PHF3: variants seen among roughly 807,000 people sequenced by gnomAD.
The protein encoded by PHF3 is PHD finger protein 3.
A neutral mutation model predicts 178.4 loss-of-function variants in PHF3; 41 were observed. The ratio of observed to expected loss-of-function variants is 0.23; its 90% confidence interval spans 0.18 to 0.30. The LOEUF (loss-of-function observed/expected upper bound fraction) is 0.30. PHF3 is among the 10% of genes least tolerant of loss of function. The probability of loss-of-function intolerance (pLI) is 1.00; values close to 1 mark genes in which losing one functional copy is unlikely to be tolerated. For missense variants in PHF3, 2,346 were observed against 2,398.1 expected (o/e 0.98, Z 0.45); for synonymous variants, 842 against 800.5 (o/e 1.05, Z -0.88).
intron 14 of PHF3, among the ~76,000 whole-genome samples, chr6:63,710,858 A>T: frequency 6.6e-6 from 1 of 152,192 alleles, no homozygotes; most frequent in East Asian, 1.9e-4. Flanking sequence ...GGGTTTCAGT[A>T]TCATCTCTGC....
At chr6:63,708,803 G>A (rs1767801355) in intron 13 of PHF3, among the ~76,000 whole-genome samples, 1 of 152,142 alleles carries the variant, frequency 6.6e-6, no homozygotes, top group Admixed American at 6.5e-5. Context: ...AAAAGGGGAG[G>A]TTACAATCTC....
At chr6:63,698,174 AG>A (rs756456653) in intron 6 of PHF3, 48 bp from the exon 7 acceptor site, 11 of 1,437,208 alleles carry the variant, frequency 7.7e-6, no homozygotes, top group East Asian at 4.6e-5. Context: ...TAAAAAGGAA[AG>A]ATATTTTTAA....
chr6:63,692,171 G>A (rs1767037009), intron 5 of PHF3, 128 bp downstream of exon 5: 6 of 724,056 alleles, frequency 8.3e-6, no homozygotes, highest in Middle Eastern at 8.0e-4. Context: ...AGTTTTCCAT[G>A]AAAGTGAATA....
At position 63,711,339 on chromosome 6, in the gene PHF3, C is replaced by T. The variant is rs757430090; in HGVS notation, c.3974C>T (p.Pro1325Leu). The change falls in exon 15 of 16, where the codon CCT (proline) becomes CTT (leucine). Residue 1325 changes from proline (P) to leucine (L), a missense_variant. Coordinates refer to ENST00000262043, the MANE Select transcript of PHF3 (RefSeq NM_001370348.2). ...GGTGCCACAGATAAAATTCCACACCCTCTTGTGCCTTTTGATGGACCTGGT... is the reference window on the plus strand; with the variant it reads ...GGTGCCACAGATAAAATTCCACACCTTCTTGTGCCTTTTGATGGACCTGGT... ...PLGATDKIPHPLVPFDGPGLE... is the reference protein window; with the variant it reads ...PLGATDKIPHLLVPFDGPGLE... 1.4e-5 allele frequency: 22 copies of T among 1,609,208 alleles called. No individual in the cohort carries two copies. The highest frequency in any genetic ancestry group is 1.9e-5 in the Non-Finnish European group (22 of 1,178,196).
chr6:63,662,861 T>A (rs1765527763), intron 2 of PHF3, among the ~76,000 whole-genome samples: 2 of 152,204 alleles, frequency 1.3e-5, no homozygotes, highest in Non-Finnish European at 2.9e-5. Context: ...GTCATTTCTA[T>A]TTTCCTGCTA....
In PHF3 at chr6:63,723,714, A is replaced by C. The variant is rs556566919; in HGVS notation, c.*10006A>C. On this transcript the variant is annotated 3_prime_UTR_variant, in exon 16 of 16. Transcript: ENST00000262043. ...TGGAAGCTAAAAGCTGTATTAGCTTAAAAAATCATAGACTTTTAAATTTCA... is the reference window on the plus strand; with the variant it reads ...TGGAAGCTAAAAGCTGTATTAGCTTCAAAAATCATAGACTTTTAAATTTCA... Among the ~76,000 whole-genome samples the C allele has an allele frequency of 7.9e-5, 12 of 151,972 alleles. No homozygotes were observed. The highest frequency in any genetic ancestry group is 1.8e-4 in the Non-Finnish European group (12 of 67,948).
intron 2 of PHF3, among the ~76,000 whole-genome samples, chr6:63,652,606 G>T (rs556282061): frequency 1.7e-4 from 26 of 152,076 alleles, no homozygotes; most frequent in Admixed American, 1.5e-3. Flanking sequence ...TAAAATTTTT[G>T]CACAGACCAA....
rs1172923089 is a variant in PHF3 at position 63,718,964 on chromosome 6, A to G, written c.*5256A>G. Among the ~76,000 whole-genome samples the G allele has an allele frequency of 6.6e-6, 1 of 152,068 alleles. No homozygotes were observed. The highest frequency in any genetic ancestry group is 1.5e-5 in the Non-Finnish European group (1 of 67,956). On this transcript the variant is annotated 3_prime_UTR_variant, in exon 16 of 16. Coordinates refer to ENST00000262043, the MANE Select transcript of PHF3 (RefSeq NM_001370348.2). ...AAGTTAAATGCAATAGTATGGAGCAATACCAGTTTAGGTCACAGTTTTTCA... is the reference window on the plus strand; with the variant it reads ...AAGTTAAATGCAATAGTATGGAGCAGTACCAGTTTAGGTCACAGTTTTTCA...
In PHF3 at chr6:63,719,544, A is replaced by G. The variant is rs78939058; in HGVS notation, c.*5836A>G. 0.016 allele frequency among the ~76,000 whole-genome samples: 2,491 copies of G among 152,158 alleles called. 50 individuals carry two copies. The highest frequency in any genetic ancestry group is 0.088 in the South Asian group (425 of 4,824). ...TAACAACAGCAGTAACTGCTTTCCA[A>G]CCTGCAGTGGTGGACTGGGAGTGGG... On this transcript the variant is annotated 3_prime_UTR_variant, in exon 16 of 16. Transcript: ENST00000262043.
rs180713421 is a variant in PHF3, at chr6:63,688,960, G to C, written c.2190-2777G>C. 2.0e-5 allele frequency among the ~76,000 whole-genome samples: 3 copies of C among 152,296 alleles called. No individual in the cohort carries two copies. In the East Asian group the frequency reaches 5.8e-4, roughly 29 times the overall value. ...ATTTTACGTATTGCAGTTGAAGTTA[G>C]TTTCCTTGTGTGTGCTCCCAGTTGG... On this transcript the variant is annotated intron_variant, in intron 4 of 15. Transcript: ENST00000262043.
intron 8 of PHF3, among the ~76,000 whole-genome samples, chr6:63,699,431 T>G (rs1192671341): frequency 2.0e-5 from 3 of 152,164 alleles, no homozygotes; most frequent in Non-Finnish European, 4.4e-5. Context: ...TATAAGGATA[T>G]TTGCTACAGT....
intron 2 of PHF3, among the ~76,000 whole-genome samples, chr6:63,660,020 T>G (rs1765399278): frequency 6.6e-6 from 1 of 152,246 alleles, no homozygotes; most frequent in Admixed American, 6.5e-5. Context: ...TCAGCAAGAT[T>G]AGGATGTTAT....
At chr6:63,697,147 T>G (rs1041903497) in intron 6 of PHF3, among the ~76,000 whole-genome samples, 1 of 152,076 alleles carries the variant, frequency 6.6e-6, no homozygotes, top group Non-Finnish European at 1.5e-5. Context: ...GGGGATGGGA[T>G]TCACTCCACA....
chr6:63,644,764 AT>A (rs1272598455), intron 1 of PHF3, among the ~76,000 whole-genome samples: 1 of 152,166 alleles, frequency 6.6e-6, no homozygotes, highest in South Asian at 2.1e-4. Flanking sequence ...AAATGAACAG[AT>A]TCGTGAAACC....
Position 63,712,066 on chromosome 6 carries a change from T to G in PHF3, c.4478T>G (p.Val1493Gly). The G allele has an allele frequency of 6.2e-7, 1 of 1,613,598 alleles. No homozygotes were observed. The highest frequency in any genetic ancestry group is 8.5e-7 in the Non-Finnish European group (1 of 1,179,932). The change falls in exon 16 of 16, where the codon GTT becomes GGT. Residue 1493 changes from valine (V) to glycine (G), a missense_variant. By Grantham distance (109) the Val-to-Gly change is moderately radical (BLOSUM62 -3). Around this residue, in one of 8 missense-constraint regions of PHF3, gnomAD observed 839 missense variants for 806.9 expected, o/e 1.04. Coordinates refer to ENST00000262043, the MANE Select transcript of PHF3 (RefSeq NM_001370348.2). ...QAQSVMEQNTVKEIPFLNEQT... is the reference protein window; with the variant it reads ...QAQSVMEQNTGKEIPFLNEQT... Reference sequence around the variant, plus strand: ...CAGTCAGTGATGGAACAAAACACTGTTAAAGAAATTCCATTTTTAAATGAG... The same window carrying G: ...CAGTCAGTGATGGAACAAAACACTGGTAAAGAAATTCCATTTTTAAATGAG...
chr6:63,667,995 C>T (rs1034985197), intron 2 of PHF3, among the ~76,000 whole-genome samples: 2 of 152,200 alleles, frequency 1.3e-5, no homozygotes, highest in Non-Finnish European at 2.9e-5. Flanking sequence ...AAGTAATCTG[C>T]ACAGCGATGC....
chr6:63,712,721 G>T lies in PHF3; in HGVS notation c.5133G>T (p.Gln1711His), dbSNP rs549973956. The part of the protein sequence containing the change: ...LCSAEKNSCV[Q>H]QSDNLKVAQN... ...CTGCAGAGAAAAACTCGTGTGTTCA[G>T]CAGAGTGACAATTTAAAAGTTGCAC... The change falls in exon 16 of 16, where the codon CAG becomes CAT. Residue 1711 changes from glutamine to histidine, a missense_variant. Coordinates refer to ENST00000262043, the MANE Select transcript of PHF3 (RefSeq NM_001370348.2). The T allele has an allele frequency of 1.9e-6, 3 of 1,613,948 alleles. No individual in the cohort carries two copies. The highest frequency in any genetic ancestry group is 2.2e-5 in the East Asian group (1 of 44,838).
In PHF3 at chr6:63,719,530, G is replaced by A. The variant is rs1374920436; in HGVS notation, c.*5822G>A. ...CAGAAAATGTCAGGTAACAACAGCA[G>A]TAACTGCTTTCCAACCTGCAGTGGT... On this transcript the variant is annotated 3_prime_UTR_variant, in exon 16 of 16. Transcript: ENST00000262043. Among the ~76,000 whole-genome samples, 3 of 152,082 alleles carry A rather than the reference G, an allele frequency of 2.0e-5. No individual in the cohort carries two copies. Among genetic ancestry groups the A allele is most frequent in the African/African-American group, 7.2e-5 (3 of 41,444 alleles).
At chr6:63,681,497 C>A (rs1181230610) in intron 3 of PHF3, among the ~76,000 whole-genome samples, 1 of 151,898 alleles carries the variant, frequency 6.6e-6, no homozygotes, top group Non-Finnish European at 1.5e-5. Context: ...TACTTCCTAC[C>A]TCTTTGTAAT....
Sources: allele counts gnomAD v4.1 joint callset (sites outside exome capture counted in the v4.1 genomes callset), GRCh38; gene constraint gnomAD v4.1.1; regional missense constraint gnomAD v4.1.1; transcripts MANE v1.5; gene names NCBI Gene and HGNC (gene_info 2026-07-23, HGNC 2026-07-21).